Variants in TSPAN7 observed in about 807,000 individuals in gnomAD.
TSPAN7 encodes tetraspanin 7.
TSPAN7 carries 1 observed loss-of-function variant against 17.6 expected under a neutral mutation model. The ratio of observed to expected loss-of-function variants is 0.06; its 90% CI spans 0.02 to 0.27. TSPAN7 has a LOEUF of 0.27. TSPAN7 is among the 10% of genes least tolerant of loss of function. The probability of loss-of-function intolerance (pLI) is 1.00; values close to 1 mark genes in which losing one functional copy is unlikely to be tolerated. For synonymous variants in TSPAN7, 78 were observed against 79.0 expected, an observed-to-expected ratio of 0.99 and a Z score of 0.07; for missense variants, 112 against 201.7, an observed-to-expected ratio of 0.56 and a Z score of 2.69.
At chrX:38,683,079 C>T (rs1420613143) in intron 6 of TSPAN7, among the ~76,000 whole-genome samples, 1 of 111,971 alleles carries the variant, frequency 8.9e-6, no homozygotes, top group Non-Finnish European at 1.9e-5. Flanking sequence ...GGAGATTATG[C>T]TGATACTGTA....
At chrX:38,657,463 C>T (rs1193096831) in intron 1 of TSPAN7, among the ~76,000 whole-genome samples, 1 of 111,848 alleles carries the variant, frequency 8.9e-6, no homozygotes, top group East Asian at 2.8e-4. Flanking sequence ...CTCTAGCCAG[C>T]CACCTCCTTG....
At chrX:38,671,652 G>A (rs1363409101) in intron 3 of TSPAN7, among the ~76,000 whole-genome samples, 2 of 111,473 alleles carry the variant, frequency 1.8e-5, no homozygotes, top group African/African-American at 3.3e-5. Flanking sequence ...AACCTTCATT[G>A]TTGATCTTCA....
At chrX:38,581,773 TCTC>T (rs1406324657) in intron 1 of TSPAN7, among the ~76,000 whole-genome samples, 1 of 112,476 alleles carries the variant, frequency 8.9e-6, no homozygotes, top group Non-Finnish European at 1.9e-5. Context: ...GGGTATTATT[TCTC>T]CTGCTGCTGT....
intron 1 of TSPAN7, among the ~76,000 whole-genome samples, chrX:38,634,200 G>C (rs932914719): frequency 8.9e-6 from 1 of 111,939 alleles, no homozygotes; most frequent in Non-Finnish European, 1.9e-5. Context: ...GAAAGTCCTT[G>C]AAGTTGGGTG....
chrX:38,600,437 A>G (rs2069340020), intron 1 of TSPAN7, among the ~76,000 whole-genome samples: 1 of 111,357 alleles, frequency 9.0e-6, no homozygotes, highest in Admixed American at 9.5e-5. Flanking sequence ...TGTGAAAAGC[A>G]TCTCACTTCG....
chrX:38,625,783 G>A (rs2069518865), intron 1 of TSPAN7, among the ~76,000 whole-genome samples: 1 of 112,039 alleles, frequency 8.9e-6, no homozygotes, highest in Non-Finnish European at 1.9e-5. Flanking sequence ...AGCAAGTGTG[G>A]ATACATGAAA....
chrX:38,630,207 T>C (rs1283904367), intron 1 of TSPAN7, among the ~76,000 whole-genome samples: 2 of 112,138 alleles, frequency 1.8e-5, no homozygotes, highest in Non-Finnish European at 3.8e-5. Context: ...CTAAAAAGTG[T>C]TACCATGCCC....
At chrX:38,564,752 C>T (rs905636902) in intron 1 of TSPAN7, among the ~76,000 whole-genome samples, 1 of 111,807 alleles carries the variant, frequency 8.9e-6, no homozygotes, top group African/African-American at 3.3e-5. Flanking sequence ...TTTTTATGTG[C>T]TTGTTGGTCA....
intron 1 of TSPAN7, among the ~76,000 whole-genome samples, chrX:38,602,116 G>T (rs1264632631): frequency 9.0e-6 from 1 of 111,266 alleles, no homozygotes; most frequent in East Asian, 2.8e-4. Context: ...GGACCTTTTA[G>T]TTGCTAAATG....
chrX:38,627,565 C>T (rs2069528727), intron 1 of TSPAN7, among the ~76,000 whole-genome samples: 1 of 111,780 alleles, frequency 8.9e-6, no homozygotes, highest in Non-Finnish European at 1.9e-5. Flanking sequence ...TGCCAGGTAG[C>T]TAGTCCCCAG....
chrX:38,643,254 A>G (rs1280002616), intron 1 of TSPAN7, among the ~76,000 whole-genome samples: 1 of 110,198 alleles, frequency 9.1e-6, no homozygotes, highest in Non-Finnish European at 1.9e-5. Flanking sequence ...TTTCAGTATG[A>G]ACAAAGGTAT....
chrX:38,622,939 C>T (rs767630841), intron 1 of TSPAN7: 4 of 329,998 alleles, frequency 1.2e-5, no homozygotes, highest in Admixed American at 9.3e-5. Context: ...CTGGGTTTCT[C>T]CTCATTTACA....
intron 1 of TSPAN7, among the ~76,000 whole-genome samples, chrX:38,574,036 A>T (rs547937711): frequency 8.9e-6 from 1 of 112,217 alleles, no homozygotes; most frequent in African/African-American, 3.2e-5. Flanking sequence ...CACAATGCAC[A>T]GTTCACACTT....
intron 1 of TSPAN7, among the ~76,000 whole-genome samples, chrX:38,582,638 A>C (rs1414666762): frequency 8.9e-6 from 1 of 112,495 alleles, no homozygotes; most frequent in Non-Finnish European, 1.9e-5. Flanking sequence ...AAAACAATCT[A>C]TTTGTAAGAT....
At chrX:38,593,719 T>C (rs530975687) in intron 1 of TSPAN7, among the ~76,000 whole-genome samples, 1 of 112,378 alleles carries the variant, frequency 8.9e-6, no homozygotes, top group African/African-American at 3.2e-5. Context: ...TCTTGCCTTC[T>C]CTTTGCCCTT....
At chrX:38,607,958 G>A (rs1421039141) in intron 1 of TSPAN7, among the ~76,000 whole-genome samples, 2 of 110,225 alleles carry the variant, frequency 1.8e-5, no homozygotes, top group Non-Finnish European at 3.8e-5. Context: ...GCTGTTTCCC[G>A]GGCACCCCCA....
intron 1 of TSPAN7, among the ~76,000 whole-genome samples, chrX:38,642,775 A>G (rs890698491): frequency 2.7e-5 from 3 of 111,713 alleles, no homozygotes; most frequent in African/African-American, 9.8e-5. Context: ...CTGATCATGT[A>G]ATCTTGGGCA....
chrX:38,581,079 C>G (rs1022296594), intron 1 of TSPAN7, among the ~76,000 whole-genome samples: 10 of 112,140 alleles, frequency 8.9e-5, no homozygotes, highest in Non-Finnish European at 1.9e-4. Context: ...TAGGCCAGGT[C>G]CATCTTGTCA....
At chrX:38,629,033 G>T (rs1347424950) in intron 1 of TSPAN7, among the ~76,000 whole-genome samples, 2 of 112,047 alleles carry the variant, frequency 1.8e-5, no homozygotes, top group Non-Finnish European at 3.8e-5. Flanking sequence ...TTGTTCAATA[G>T]AAACAATATG....
Sources: allele counts gnomAD v4.1 joint callset (sites outside exome capture counted in the v4.1 genomes callset), GRCh38; gene constraint gnomAD v4.1.1; transcripts MANE v1.5; gene names NCBI Gene and HGNC (gene_info 2026-07-23, HGNC 2026-07-21).